ADAMTS20: variants seen among roughly 807,000 people sequenced by gnomAD.
ADAMTS20 encodes the protein A disintegrin and metalloproteinase with thrombospondin motifs 20.
A neutral mutation model predicts 260.1 loss-of-function variants in ADAMTS20; 225 were observed. That is an observed-to-expected ratio of 0.87 (90% CI 0.78 to 0.97). The LOEUF (loss-of-function observed/expected upper bound fraction) is 0.97. ADAMTS20 is among the 50% of genes least tolerant of loss of function. The pLI is 0.00. For synonymous variants in ADAMTS20, 802 were observed against 769.5 expected, an observed-to-expected ratio of 1.04 and a Z score of -0.70; for missense variants, 2,400 against 2,337.7, an observed-to-expected ratio of 1.03 and a Z score of -0.55.
At chr12:43,528,964 G>A (rs1943184542) in intron 3 of ADAMTS20, among the ~76,000 whole-genome samples, 1 of 151,864 alleles carries the variant, frequency 6.6e-6, no homozygotes, top group Non-Finnish European at 1.5e-5. Flanking sequence ...AAGAAAAAAA[G>A]CAAATAATTC....
chr12:43,377,638 A>G, intron 31 of ADAMTS20, 76 bp from the exon 32 acceptor site: 1 of 1,191,486 alleles, frequency 8.4e-7, no homozygotes, highest in Non-Finnish European at 1.2e-6. Context: ...GATGCTTAAT[A>G]TATATTATGC....
rs142408772 is a variant in ADAMTS20, at chr12:43,363,635, T to A, written c.5538+5655A>T. Among the ~76,000 whole-genome samples, 46 of 152,344 alleles carry A rather than the reference T, an allele frequency of 3.0e-4. No homozygotes were observed. In the East Asian group the frequency reaches 3.5e-3, roughly 12 times the overall value. ...GTAAAAATAGGAAATTCACTAGCTT[T>A]TCCTATTGTGACTAGCTTATTTGGA... On this transcript the variant is annotated intron_variant, in intron 37 of 38. Coordinates refer to ENST00000389420, the MANE Select transcript of ADAMTS20 (RefSeq NM_025003.5).
At chr12:43,399,288 T>G in intron 28 of ADAMTS20, 55 bp from the exon 29 acceptor site, 3 of 1,332,530 alleles carry the variant, frequency 2.3e-6, no homozygotes, top group Non-Finnish European at 2.9e-6. Flanking sequence ...TAATTTAAGC[T>G]TATCTTAAAG....
chr12:43,532,301 G>T, intron 2 of ADAMTS20, 106 bp from the exon 3 acceptor site: 4 of 967,702 alleles, frequency 4.1e-6, no homozygotes, highest in Non-Finnish European at 6.0e-6. Context: ...ACAGCAAGGA[G>T]TCTGTTCACT....
intron 3 of ADAMTS20, among the ~76,000 whole-genome samples, chr12:43,504,486 G>C: frequency 6.6e-6 from 1 of 152,066 alleles, no homozygotes; most frequent in Non-Finnish European, 1.5e-5. Flanking sequence ...AAATTGTGCA[G>C]TCCTAAAACT....
intron 29 of ADAMTS20, among the ~76,000 whole-genome samples, chr12:43,388,511 T>A (rs1474367349): frequency 6.6e-6 from 1 of 152,222 alleles, no homozygotes; most frequent in Non-Finnish European, 1.5e-5. Context: ...TATATTTCAA[T>A]GGATAGGAGT....
intron 7 of ADAMTS20, among the ~76,000 whole-genome samples, chr12:43,476,936 G>A (rs1264281393): frequency 7.0e-6 from 1 of 141,926 alleles, no homozygotes; most frequent in Non-Finnish European, 1.5e-5. Context: ...CATGGCACAT[G>A]TATACATATG....
Position 43,427,382 on chromosome 12 carries a change from C to T in ADAMTS20, c.4033G>A (p.Ala1345Thr). Residue 1345 changes from alanine (A) to threonine (T), a missense_variant, in exon 27 of 39, where the codon GCC (alanine) becomes ACC (threonine). By Grantham distance (58) the Ala-to-Thr change is moderately conservative (BLOSUM62 0). Coordinates refer to ENST00000389420, the MANE Select transcript of ADAMTS20 (RefSeq NM_025003.5). The part of the protein sequence containing the change: ...NGQSASYCDA[A>T]SKPPELQQCG... Reference sequence around the variant, plus strand: ...TGCTGTAACTCTGGAGGCTTGGAGGCTGCATCGCAGTAACTAGCACTTTGT... The same window carrying T: ...TGCTGTAACTCTGGAGGCTTGGAGGTTGCATCGCAGTAACTAGCACTTTGT... 1 of 1,613,952 alleles carries T rather than the reference C, an allele frequency of 6.2e-7. No homozygotes were observed. Among genetic ancestry groups the T allele is most frequent in the African/African-American group, 1.3e-5 (1 of 75,036 alleles).
chr12:43,395,917 T>C (rs1355085110), intron 29 of ADAMTS20, among the ~76,000 whole-genome samples: 1 of 151,902 alleles, frequency 6.6e-6, no homozygotes, highest in African/African-American at 2.4e-5. Flanking sequence ...GGCACTAAAG[T>C]AAGTAGATGG....
chr12:43,493,054 CAA>C, intron 5 of ADAMTS20, 114 bp downstream of exon 5: 2 of 732,560 alleles, frequency 2.7e-6, no homozygotes, highest in South Asian at 3.4e-5. Flanking sequence ...CTTCTCAAAT[CAA>C]GTCTTTTAAA....
chr12:43,369,914 G>A (rs1940070401), intron 36 of ADAMTS20, among the ~76,000 whole-genome samples: 1 of 151,556 alleles, frequency 6.6e-6, no homozygotes, highest in Non-Finnish European at 1.5e-5. Context: ...AACAGTGTTA[G>A]CAAAATTTCC....
At chr12:43,542,512 A>T (rs945559407) in intron 2 of ADAMTS20, among the ~76,000 whole-genome samples, 3 of 20,448 alleles carry the variant, frequency 1.5e-4, no homozygotes, top group Admixed American at 8.6e-4. Context: ...GGGCCAATCT[A>T]TTGTTTTTTT....
intron 7 of ADAMTS20, among the ~76,000 whole-genome samples, chr12:43,472,846 T>A (rs1470323118): frequency 6.7e-6 from 1 of 149,212 alleles, no homozygotes; most frequent in African/African-American, 2.5e-5. Context: ...GCGCTAAACA[T>A]GGAAAGGAAC....
At position 43,551,241 on chromosome 12, in the gene ADAMTS20, C is replaced by A; in HGVS notation, c.121G>T (p.Glu41Ter). 6.2e-7 allele frequency: 1 copy of A among 1,613,720 alleles called. No individual in the cohort carries two copies. The highest frequency in any genetic ancestry group is 8.5e-7 in the Non-Finnish European group (1 of 1,179,806). Residue 41 changes from glutamate (E) to a stop codon, truncating the protein, a stop_gained, in exon 2 of 39, where the codon GAA (glutamate) becomes TAA (stop). Transcript: ENST00000389420. LOFTEE classifies it high-confidence loss of function. The surrounding 1 kb of genome is among the most constrained non-coding windows in gnomAD (Gnocchi z 4.6). ...TTGACCCGCTCGGGGATCACTACTT[C>A]GTAGGAGGTCAGTGTCCTCACCAGG... The part of the protein sequence containing the change: ...EALVRTLTSY[E>*]VVIPERVNEF...
intron 26 of ADAMTS20, among the ~76,000 whole-genome samples, chr12:43,427,994 T>C (rs1478642894): frequency 6.6e-6 from 1 of 152,228 alleles, no homozygotes; most frequent in East Asian, 1.9e-4. Flanking sequence ...TTTATTACAA[T>C]GAATTCTAAT....
intron 29 of ADAMTS20, among the ~76,000 whole-genome samples, chr12:43,394,928 A>C (rs572764068): frequency 6.6e-6 from 1 of 152,258 alleles, no homozygotes; most frequent in African/African-American, 2.4e-5. Flanking sequence ...TTAATATAGT[A>C]TCAGGAAGTG....
chr12:43,476,860 G>T (rs1462086992), intron 7 of ADAMTS20, among the ~76,000 whole-genome samples: 2 of 150,918 alleles, frequency 1.3e-5, no homozygotes, highest in Non-Finnish European at 2.9e-5. Context: ...TGGGTGGAGG[G>T]GGGAGGGATA....
At chr12:43,440,272 C>T (rs573006701) in intron 16 of ADAMTS20, among the ~76,000 whole-genome samples, 1 of 152,042 alleles carries the variant, frequency 6.6e-6, no homozygotes, top group African/African-American at 2.4e-5. Context: ...CCTCAGCCTC[C>T]CGAGTAGCTG....
chr12:43,521,574 G>A (rs916372747), intron 3 of ADAMTS20, among the ~76,000 whole-genome samples: 6 of 151,782 alleles, frequency 4.0e-5, no homozygotes, highest in African/African-American at 1.5e-4. Context: ...CCCCACCTTC[G>A]GCCTCTTATC....
Sources: allele counts gnomAD v4.1 joint callset (sites outside exome capture counted in the v4.1 genomes callset), GRCh38; gene constraint gnomAD v4.1.1; non-coding constraint Gnocchi (gnomAD v3.1); transcripts MANE v1.5; gene names NCBI Gene and HGNC (gene_info 2026-07-23, HGNC 2026-07-21).